The following KCND2 variants were observed in gnomAD, a reference collection of about 807,000 sequenced individuals.
KCND2 encodes the protein potassium voltage-gated channel subfamily D member 2.
KCND2 carries 16 observed loss-of-function variants against 54.4 expected under a neutral mutation model. That is an observed-to-expected ratio of 0.29 (90% CI 0.20 to 0.45). The LOEUF (loss-of-function observed/expected upper bound fraction) is 0.45, where lower values mean the gene tolerates loss of function less well. Ranked by LOEUF, KCND2 falls within the 20% of genes least tolerant of loss-of-function variation. The pLI is 1.00. For synonymous variants in KCND2, 317 were observed against 310.7 expected, an observed-to-expected ratio of 1.02 and a Z score of -0.21; for missense variants, 486 against 824.2, an observed-to-expected ratio of 0.59 and a Z score of 5.02.
intron 1 of KCND2, among the ~76,000 whole-genome samples, chr7:120,555,999 GTAT>G (rs1792158507): frequency 6.6e-6 from 1 of 152,156 alleles, no homozygotes; most frequent in Non-Finnish European, 1.5e-5. Flanking sequence ...GAGAAAAACA[GTAT>G]TAGAAATGAC....
chr7:120,682,291 G>T (rs1792149262), intron 1 of KCND2, among the ~76,000 whole-genome samples: 1 of 151,312 alleles, frequency 6.6e-6, no homozygotes, highest in Non-Finnish European at 1.5e-5. Context: ...ATAAACATGG[G>T]GTATTAATAC....
chr7:120,342,896 A>G (rs1800261388), intron 1 of KCND2, among the ~76,000 whole-genome samples: 1 of 152,174 alleles, frequency 6.6e-6, no homozygotes, highest in African/African-American at 2.4e-5. Context: ...CCAGTCTTGC[A>G]TGATCAATGA....
At chr7:120,676,030 G>T (rs548495204) in intron 1 of KCND2, among the ~76,000 whole-genome samples, 5 of 151,760 alleles carry the variant, frequency 3.3e-5, no homozygotes, top group African/African-American at 1.2e-4. Context: ...TAGAGACGAG[G>T]TTTGGCCATT....
intron 1 of KCND2, among the ~76,000 whole-genome samples, chr7:120,658,544 G>A (rs563310215): frequency 6.6e-6 from 1 of 152,206 alleles, no homozygotes; most frequent in East Asian, 1.9e-4. Flanking sequence ...CATTAGACCA[G>A]TTTTCTGAGC....
intron 1 of KCND2, among the ~76,000 whole-genome samples, chr7:120,410,177 T>A (rs1162670538): frequency 6.6e-6 from 1 of 151,998 alleles, no homozygotes; most frequent in Non-Finnish European, 1.5e-5. Context: ...ATTTGCCATT[T>A]GTTGAAAATC....
chr7:120,444,206 T>C (rs1482366678), intron 1 of KCND2, among the ~76,000 whole-genome samples: 5 of 152,070 alleles, frequency 3.3e-5, no homozygotes, highest in African/African-American at 9.7e-5. Flanking sequence ...CCACTTAAAA[T>C]TGTGCTTCCT....
intron 1 of KCND2, among the ~76,000 whole-genome samples, chr7:120,545,166 T>G (rs1452021047): frequency 2.0e-5 from 3 of 151,942 alleles, no homozygotes; most frequent in Non-Finnish European, 2.9e-5. Flanking sequence ...CAAAAGAAAC[T>G]TGATGTATGC....
chr7:120,397,995 GTATATATATATATA>G (rs200944488), intron 1 of KCND2, among the ~76,000 whole-genome samples: 2,179 of 93,036 alleles, frequency 0.023, 26 homozygotes, highest in African/African-American at 0.032. Context: ...GTGTGTGTGT[GTATATATATATATA>G]TATATATATA....
chr7:120,375,510 G>C (rs11769783), intron 1 of KCND2, among the ~76,000 whole-genome samples: 20,916 of 151,698 alleles, frequency 0.14, 1,708 homozygotes, highest in African/African-American at 0.23. Context: ...GGAAATATGC[G>C]TTTTCAATAT....
intron 1 of KCND2, among the ~76,000 whole-genome samples, chr7:120,711,978 A>C (rs866782354): frequency 2.0e-5 from 3 of 152,086 alleles, no homozygotes; most frequent in Non-Finnish European, 2.9e-5. Context: ...AAGCAAAATT[A>C]AGGTGAGTAC....
At chr7:120,562,417 A>G (rs1562873863) in intron 1 of KCND2, among the ~76,000 whole-genome samples, 1 of 152,218 alleles carries the variant, frequency 6.6e-6, no homozygotes, top group Non-Finnish European at 1.5e-5. Flanking sequence ...ATAACAAGGA[A>G]GTTATTCCAG....
intron 1 of KCND2, among the ~76,000 whole-genome samples, chr7:120,526,388 A>G (rs1308712320): frequency 1.3e-5 from 2 of 152,158 alleles, no homozygotes; most frequent in Non-Finnish European, 2.9e-5. Flanking sequence ...AATATACAGA[A>G]GAAAAATTAC....
intron 1 of KCND2, among the ~76,000 whole-genome samples, chr7:120,641,043 G>C (rs111546221): frequency 1.3e-4 from 20 of 152,266 alleles, no homozygotes; most frequent in African/African-American, 4.8e-4. Flanking sequence ...TCTCTCAGGA[G>C]GACTATAGAA....
intron 1 of KCND2, among the ~76,000 whole-genome samples, chr7:120,401,699 C>G (rs541074500): frequency 6.6e-6 from 1 of 152,260 alleles, no homozygotes; most frequent in Admixed American, 6.6e-5. Flanking sequence ...CAACTCTTCT[C>G]CTCATCTGTT....
At chr7:120,489,497 A>G (rs1227061543) in intron 1 of KCND2, among the ~76,000 whole-genome samples, 2 of 152,216 alleles carry the variant, frequency 1.3e-5, no homozygotes, top group Non-Finnish European at 2.9e-5. Flanking sequence ...CTCTAAATGA[A>G]TAACTTTCAC....
chr7:120,687,940 G>A (rs1792224943), intron 1 of KCND2, among the ~76,000 whole-genome samples: 1 of 152,088 alleles, frequency 6.6e-6, no homozygotes, highest in African/African-American at 2.4e-5. Flanking sequence ...TGCATAATAA[G>A]GGTAGACAGG....
intron 1 of KCND2, among the ~76,000 whole-genome samples, chr7:120,662,198 C>G (rs1251186981): frequency 1.3e-5 from 2 of 152,056 alleles, no homozygotes; most frequent in Non-Finnish European, 2.9e-5. Flanking sequence ...AATTTTTCCT[C>G]CCCTATAGTT....
At chr7:120,523,110 C>A (rs1364888718) in intron 1 of KCND2, among the ~76,000 whole-genome samples, 2 of 152,090 alleles carry the variant, frequency 1.3e-5, no homozygotes, top group African/African-American at 4.8e-5. Context: ...TAGAAGGTTA[C>A]CACCTGTTCT....
chr7:120,614,722 T>C lies in KCND2; in HGVS notation c.1116-118181T>C, dbSNP rs561933822. 4.6e-5 allele frequency among the ~76,000 whole-genome samples: 7 copies of C among 152,334 alleles called. No individual in the cohort carries two copies. The East Asian group carries it at 7.7e-4, about 17-fold the overall frequency. ...ATGGTACAAATGTTTTATATTGATA[T>C]TTTTCTAATGTTAAGTAATTATAAA... On this transcript the variant is annotated intron_variant, in intron 1 of 5. Coordinates refer to ENST00000331113, the MANE Select transcript of KCND2 (RefSeq NM_012281.3).
Sources: allele counts gnomAD v4.1 joint callset (sites outside exome capture counted in the v4.1 genomes callset), GRCh38; gene constraint gnomAD v4.1.1; transcripts MANE v1.5; gene names NCBI Gene and HGNC (gene_info 2026-07-23, HGNC 2026-07-21).